TMEM114: variants seen among roughly 807,000 people sequenced by gnomAD.
The protein encoded by TMEM114 is transmembrane protein 114, also known as claudin-26.
A neutral mutation model predicts 6.2 loss-of-function variants in TMEM114; 6 were observed. The ratio of observed to expected loss-of-function variants is 0.97; its 90% CI spans 0.53 to 1.91. TMEM114 has a LOEUF of 1.91. TMEM114 is among the 40% of genes most tolerant of loss of function. The pLI, the probability that TMEM114 is intolerant of heterozygous loss-of-function variation, is 0.01. For missense variants in TMEM114, 218 were observed against 158.3 expected (o/e 1.38, Z -2.02); for synonymous variants, 104 against 73.0 (o/e 1.42, Z -2.16).
At chr16:8,557,911 C>T (rs1021682524) in intron 2 of TMEM114, among the ~76,000 whole-genome samples, 11 of 152,166 alleles carry the variant, frequency 7.2e-5, no homozygotes, top group African/African-American at 2.7e-4. Context: ...AATTAGGTGG[C>T]TTAAAACAAC....
At chr16:8,553,904 G>T (rs566180441) in intron 2 of TMEM114, among the ~76,000 whole-genome samples, 1 of 149,502 alleles carries the variant, frequency 6.7e-6, no homozygotes, top group Non-Finnish European at 1.5e-5. Context: ...TTTGAGACAG[G>T]GTCTCTCTCA....
At chr16:8,583,763 C>A (rs1228844856) in intron 2 of TMEM114, among the ~76,000 whole-genome samples, 1 of 151,826 alleles carries the variant, frequency 6.6e-6, no homozygotes, top group African/African-American at 2.4e-5. Flanking sequence ...AAAAAAAAGT[C>A]ACACAGCTAG....
intron 2 of TMEM114, among the ~76,000 whole-genome samples, chr16:8,581,368 G>A (rs781442688): frequency 3.3e-5 from 5 of 152,174 alleles, no homozygotes; most frequent in Non-Finnish European, 7.3e-5. Context: ...TCTGTGGGCA[G>A]TGAGGCTATA....
At chr16:8,550,542 G>C (rs1036851620) in intron 2 of TMEM114, among the ~76,000 whole-genome samples, 5 of 152,110 alleles carry the variant, frequency 3.3e-5, no homozygotes, top group African/African-American at 9.7e-5. Context: ...GCCTGGTGTG[G>C]TGGTGCATGC....
chr16:8,584,818 A>G (rs1438666232), intron 2 of TMEM114, among the ~76,000 whole-genome samples: 2 of 150,930 alleles, frequency 1.3e-5, no homozygotes, highest in Non-Finnish European at 3.0e-5. Context: ...GCTACTTGGG[A>G]GACTGAGGCA....
At chr16:8,550,113 G>C (rs970244184) in intron 2 of TMEM114, among the ~76,000 whole-genome samples, 1 of 152,182 alleles carries the variant, frequency 6.6e-6, no homozygotes, top group Admixed American at 6.5e-5. Context: ...AAAGATGAAG[G>C]CCAGAAGACT....
At chr16:8,532,850 G>C (rs928899998), downstream of TMEM114, among the ~76,000 whole-genome samples, 2 of 152,140 alleles carry the variant, frequency 1.3e-5, no homozygotes, top group Admixed American at 1.3e-4. Flanking sequence ...CATGAACCCA[G>C]GAGGCGGAGC....
intron 2 of TMEM114, among the ~76,000 whole-genome samples, chr16:8,539,498 T>C (rs1900458527): frequency 6.6e-6 from 1 of 152,136 alleles, no homozygotes. Flanking sequence ...CCTGGACAGA[T>C]CTTCCCTGCA....
At chr16:8,580,218 G>A (rs1228182089) in intron 2 of TMEM114, among the ~76,000 whole-genome samples, 13 of 152,130 alleles carry the variant, frequency 8.5e-5, no homozygotes, top group Admixed American at 2.6e-4. Context: ...GGCCCGGCAC[G>A]ATGCATGCCT....
chr16:8,536,413 A>G (rs116113123), downstream of TMEM114, among the ~76,000 whole-genome samples: 352 of 152,254 alleles, frequency 2.3e-3, 2 homozygotes, highest in African/African-American at 8.1e-3. Flanking sequence ...GGGACTGAAC[A>G]TCCTTGTCTC....
At chr16:8,561,401 G>GCATA (rs1287364165) in intron 2 of TMEM114, among the ~76,000 whole-genome samples, 1 of 152,220 alleles carries the variant, frequency 6.6e-6, no homozygotes, top group African/African-American at 2.4e-5. Flanking sequence ...TTACCAGGAA[G>GCATA]CATACCCCGC....
At chr16:8,574,949 G>A (rs1185966513) in intron 2 of TMEM114, among the ~76,000 whole-genome samples, 1 of 152,104 alleles carries the variant, frequency 6.6e-6, no homozygotes, top group African/African-American at 2.4e-5. Context: ...CAGGATTGTG[G>A]CTTTGGAACA....
At chr16:8,576,738 G>GGAAGGAAGGAAGGAAGGAAA (rs1567208907) in intron 2 of TMEM114, among the ~76,000 whole-genome samples, 31 of 150,422 alleles carry the variant, frequency 2.1e-4, no homozygotes, top group African/African-American at 7.6e-4. Context: ...AAGGAAGGAA[G>GGAAGGAAGGAAGGAAGGAAA]GAAGGAAGGA....
At chr16:8,552,429 C>G (rs756662401) in intron 2 of TMEM114, among the ~76,000 whole-genome samples, 9 of 151,752 alleles carry the variant, frequency 5.9e-5, no homozygotes, top group Non-Finnish European at 1.3e-4. Context: ...ACTTAGAGCT[C>G]CTTTGAGGTG....
At chr16:8,546,128 A>G (rs902989506) in intron 2 of TMEM114, among the ~76,000 whole-genome samples, 1 of 152,236 alleles carries the variant, frequency 6.6e-6, no homozygotes, top group East Asian at 1.9e-4. Context: ...CAAAAAAGAA[A>G]TGTTCAAAAT....
At chr16:8,581,579 A>G (rs986237689) in intron 2 of TMEM114, among the ~76,000 whole-genome samples, 2 of 152,124 alleles carry the variant, frequency 1.3e-5, no homozygotes, top group Non-Finnish European at 2.9e-5. Flanking sequence ...TCAGCCTCCC[A>G]AGTAGCTGGG....
intron 2 of TMEM114, among the ~76,000 whole-genome samples, chr16:8,563,211 G>A (rs1247492852): frequency 6.6e-6 from 1 of 151,604 alleles, no homozygotes; most frequent in Non-Finnish European, 1.5e-5. Context: ...GTGAATGAGT[G>A]AGCAAATAAG....
chr16:8,546,696 C>T (rs1900677215), intron 2 of TMEM114, among the ~76,000 whole-genome samples: 1 of 152,192 alleles, frequency 6.6e-6, no homozygotes, highest in South Asian at 2.1e-4. Flanking sequence ...ACCAGATACC[C>T]CTACCAGATC....
intron 2 of TMEM114, among the ~76,000 whole-genome samples, chr16:8,556,611 C>CCATTCAGGAGG (rs1323412675): frequency 1.3e-5 from 2 of 152,082 alleles, no homozygotes; most frequent in Non-Finnish European, 2.9e-5. Flanking sequence ...AAGTGATTCT[C>CCATTCAGGAGG]CTGCCCCAGC....
Sources: allele counts gnomAD v4.1 joint callset (sites outside exome capture counted in the v4.1 genomes callset), GRCh38; gene constraint gnomAD v4.1.1; transcripts MANE v1.5; gene names NCBI Gene and HGNC (gene_info 2026-07-23, HGNC 2026-07-21).